PLA2G4C: variants seen among roughly 807,000 people sequenced by gnomAD.
The protein encoded by PLA2G4C is phospholipase A2 group IVC.
Under a neutral mutation model 73.8 loss-of-function variants are expected in PLA2G4C, and 64 were observed. That is an observed-to-expected ratio of 0.87 (90% confidence interval 0.71 to 1.07). PLA2G4C has a LOEUF of 1.07. Ranked by LOEUF, PLA2G4C falls within the 50% of genes least tolerant of loss-of-function variation. The probability of loss-of-function intolerance (pLI) is 0.00; values close to 1 mark genes in which losing one functional copy is unlikely to be tolerated. For missense variants in PLA2G4C, 622 were observed against 665.4 expected (o/e 0.93, Z 0.72); for synonymous variants, 254 against 252.1 (o/e 1.01, Z -0.07).
In PLA2G4C at chr19:48,106,736, C is replaced by T. The variant is rs11564515; in HGVS notation, c.-32-175G>A. The T allele has an allele frequency of 3.5e-3, 2,009 of 566,958 alleles. 25 individuals carry two copies. Among genetic ancestry groups the T allele is most frequent in the African/African-American group, 0.034 (1,805 of 52,870 alleles). The allele number at this position is 566,958 out of a possible 1,614,324, so 35.1% of individuals were successfully genotyped here. A position where few individuals can be genotyped will look rare whatever the true frequency, so the allele number is the denominator to read the frequency against. Reference sequence around the variant, plus strand: ...AGAGAGAGTTTAATAATCTCAGGGGCGGCCAAGCGAGGAGAATGGGAGAAA... The same window carrying T: ...AGAGAGAGTTTAATAATCTCAGGGGTGGCCAAGCGAGGAGAATGGGAGAAA... On this transcript the variant is annotated intron_variant, in intron 1 of 16. Coordinates refer to ENST00000599921, the MANE Select transcript of PLA2G4C (RefSeq NM_003706.3).
intron 10 of PLA2G4C, among the ~76,000 whole-genome samples, chr19:48,084,728 T>C (rs1293459908): frequency 6.6e-6 from 1 of 152,224 alleles, no homozygotes; most frequent in Non-Finnish European, 1.5e-5. Context: ...ATGAATTAAC[T>C]CATTTAATCC....
In PLA2G4C at chr19:48,104,617, C is replaced by G. The variant is rs763858960; in HGVS notation, c.228G>C (p.Thr76=). Residue 76 remains threonine, a synonymous_variant, in exon 4 of 17, where the codon ACG becomes ACC. Coordinates refer to ENST00000599921, the MANE Select transcript of PLA2G4C (RefSeq NM_003706.3). ...MKEQGLLDAV[T]YLAGVSGSTW... is the part of the protein sequence containing the mutation. ...TGGATCCAGAGACCCCTGCGAGGTA[C>G]GTGACGGCATCCAACAGGCCCTGTT... The G allele has an allele frequency of 6.2e-7, 1 of 1,614,084 alleles. No individual in the cohort carries two copies. The highest frequency in any genetic ancestry group is 8.5e-7 in the Non-Finnish European group (1 of 1,179,986).
rs1300667676 is a variant in PLA2G4C, at chr19:48,088,549, CT to C, written c.790+136del. ...CAACAGATCCAAATCAAGATGAAATCTTTGAAATACCAGATAAAGAATTCAA... is the reference window on the plus strand; with the variant it reads ...CAACAGATCCAAATCAAGATGAAATCTTGAAATACCAGATAAAGAATTCAA... On this transcript the variant is annotated intron_variant, in intron 9 of 16. Transcript: ENST00000599921. 5.9e-6 allele frequency: 4 copies of C among 674,420 alleles called. No individual in the cohort carries two copies. The African/African-American group carries it at 7.1e-5, about 12-fold the overall frequency. The allele number at this position is 674,420 out of a possible 1,614,324, so 41.8% of individuals were successfully genotyped here. A position where few individuals can be genotyped will look rare whatever the true frequency, so the allele number is the denominator to read the frequency against.
intron 4 of PLA2G4C, 81 bp downstream of exon 4, chr19:48,104,507 C>A (rs2032068093): frequency 3.6e-6 from 5 of 1,400,252 alleles, no homozygotes; most frequent in Non-Finnish European, 4.0e-6. Context: ...TTGGAAAAAA[C>A]CACACACATT....
intron 5 of PLA2G4C, among the ~76,000 whole-genome samples, 161 bp downstream of exon 5, chr19:48,099,510 A>T (rs2031784505): frequency 6.6e-6 from 1 of 152,198 alleles, no homozygotes; most frequent in Non-Finnish European, 1.5e-5. Flanking sequence ...TAATCCTGAT[A>T]TACTTTAGTT....
At chr19:48,088,910 G>A (rs559577878) in intron 8 of PLA2G4C, among the ~76,000 whole-genome samples, 198 bp from the exon 9 acceptor site, 31 of 152,304 alleles carry the variant, frequency 2.0e-4, no homozygotes, top group African/African-American at 7.5e-4. Flanking sequence ...CATGTTGGTA[G>A]CCTGAAGTTG....
chr19:48,076,620 G>A (rs1372173974), intron 11 of PLA2G4C, among the ~76,000 whole-genome samples: 2 of 152,088 alleles, frequency 1.3e-5, no homozygotes, highest in Non-Finnish European at 2.9e-5. Context: ...GCAGTTGCCT[G>A]TAATCCCAGC....
At chr19:48,061,756 G>A (rs1210099688) in intron 14 of PLA2G4C, 3 of 494,670 alleles carry the variant, frequency 6.1e-6, no homozygotes, top group Admixed American at 6.9e-5. Flanking sequence ...AGCGGGGAGA[G>A]TCATCTGCCA....
chr19:48,086,657 C>T (rs2030997042), intron 9 of PLA2G4C, among the ~76,000 whole-genome samples: 1 of 152,192 alleles, frequency 6.6e-6, no homozygotes, highest in South Asian at 2.1e-4. Flanking sequence ...ACTGCTACTA[C>T]TGCAGCTGGT....
At chr19:48,073,487 C>T (rs1009227803) in intron 12 of PLA2G4C, among the ~76,000 whole-genome samples, 32 of 151,870 alleles carry the variant, frequency 2.1e-4, no homozygotes, top group African/African-American at 7.5e-4. Context: ...CACCCCTACC[C>T]CCAGCCTGCT....
chr19:48,080,993 C>CAAAAAAAAA (rs34388817), intron 10 of PLA2G4C, among the ~76,000 whole-genome samples: 146 of 102,344 alleles, frequency 1.4e-3, no homozygotes, highest in Non-Finnish European at 1.6e-3. Context: ...ACTAAAAATA[C>CAAAAAAAAA]AAAAAAAAAA....
chr19:48,061,147 G>A (rs999619099), intron 14 of PLA2G4C, among the ~76,000 whole-genome samples: 1 of 151,892 alleles, frequency 6.6e-6, no homozygotes, highest in Non-Finnish European at 1.5e-5. Context: ...AACTAGCCTG[G>A]TGTGGTGGTG....
Position 48,077,827 on chromosome 19 carries a change from G to A in PLA2G4C, c.845-3C>T. The A allele has an allele frequency of 6.2e-7, 1 of 1,604,596 alleles. No individual in the cohort carries two copies. The highest frequency in any genetic ancestry group is 8.5e-7 in the Non-Finnish European group (1 of 1,175,646). Reference sequence around the variant, plus strand: ...TTCTTGCAGCCTCAGTAATCGGGCTGCAAAAGAGCAGAGGCAGGGGGAATG... The same window carrying A: ...TTCTTGCAGCCTCAGTAATCGGGCTACAAAAGAGCAGAGGCAGGGGGAATG... On this transcript the variant is annotated splice_polypyrimidine_tract_variant and splice_region_variant and intron_variant, in intron 10 of 16. Transcript: ENST00000599921.
rs987130276 is a variant in PLA2G4C at position 48,074,643 on chromosome 19, G to C, written c.1006+124C>G. 13 of 728,580 alleles carry C rather than the reference G, an allele frequency of 1.8e-5. No homozygotes were observed. The Admixed American group carries it at 2.5e-4, about 14-fold the overall frequency. The allele number at this position is 728,580 out of a possible 1,614,324, so 45.1% of individuals were successfully genotyped here. A position where few individuals can be genotyped will look rare whatever the true frequency, so the allele number is the denominator to read the frequency against. ...GTGGAAGGGAACAAATATCCAAACT[G>C]TACCAGTGGGACATCTGGTCATGTC... On this transcript the variant is annotated intron_variant, in intron 12 of 16. Transcript: ENST00000599921.
chr19:48,101,126 A>ATATATATATTTTTT (rs1491313107), intron 4 of PLA2G4C, among the ~76,000 whole-genome samples: 8 of 74,130 alleles, frequency 1.1e-4, no homozygotes, highest in African/African-American at 5.1e-4. Flanking sequence ...ATATATATAT[A>ATATATATATTTTTT]TTTTTTTTTT....
chr19:48,100,706 G>A (rs1002546222), intron 4 of PLA2G4C, among the ~76,000 whole-genome samples: 2 of 149,130 alleles, frequency 1.3e-5, no homozygotes, highest in East Asian at 2.0e-4. Flanking sequence ...TCAGGAGATC[G>A]AGACCATCCT....
At chr19:48,093,705 T>C (rs11564549) in intron 7 of PLA2G4C, among the ~76,000 whole-genome samples, 37,094 of 152,060 alleles carry the variant, frequency 0.24, 4,884 homozygotes, top group East Asian at 0.58. Context: ...AACTTGGTCC[T>C]GGCTTAGGGT....
chr19:48,077,274 G>A (rs1023884125), intron 11 of PLA2G4C, among the ~76,000 whole-genome samples: 3 of 152,064 alleles, frequency 2.0e-5, no homozygotes, highest in Admixed American at 6.6e-5. Flanking sequence ...ACACAAATCA[G>A]TAGCACTGCT....
chr19:48,080,490 A>G (rs7252636), intron 10 of PLA2G4C, among the ~76,000 whole-genome samples: 48,016 of 151,954 alleles, frequency 0.32, 8,872 homozygotes, highest in South Asian at 0.44. Flanking sequence ...TATCTACCCA[A>G]AGGAAAGGCA....
Sources: gnomAD v4.1 joint callset for allele counts (sites outside exome capture counted in the v4.1 genomes callset) on GRCh38, gnomAD v4.1.1 for gene constraint, MANE v1.5 for transcripts, NCBI Gene and HGNC (gene_info 2026-07-23, HGNC 2026-07-21) for gene names.